Variants in SLC17A2 observed in about 807,000 individuals in gnomAD.
SLC17A2 encodes the protein sodium-dependent phosphate transport protein 3.
In SLC17A2, 38 loss-of-function variants were observed where a neutral mutation model predicts 52.1. The ratio of observed to expected loss-of-function variants is 0.73; its 90% confidence interval spans 0.56 to 0.96. The LOEUF (loss-of-function observed/expected upper bound fraction) is 0.96, where lower values mean the gene tolerates loss of function less well. SLC17A2 is among the 40% of genes least tolerant of loss of function. SLC17A2 has a pLI of 0.00. For synonymous variants in SLC17A2, 226 were observed against 211.9 expected, an observed-to-expected ratio of 1.07 and a Z score of -0.58; for missense variants, 508 against 583.9, an observed-to-expected ratio of 0.87 and a Z score of 1.34.
intron 10 of SLC17A2, 121 bp downstream of exon 10, chr6:25,915,378 G>A (rs12204050): frequency 1.6e-5 from 14 of 871,818 alleles, no homozygotes; most frequent in Non-Finnish European, 2.4e-5. Flanking sequence ...GATATTTGTA[G>A]TTATTTGTCA....
intron 1 of SLC17A2, among the ~76,000 whole-genome samples, chr6:25,928,053 A>G (rs1235340692): frequency 3.3e-5 from 5 of 152,226 alleles, no homozygotes; most frequent in Middle Eastern, 3.4e-3. Context: ...AACTTCTCCA[A>G]TCTTATAAAC....
intron 11 of SLC17A2, 175 bp downstream of exon 11, chr6:25,914,405 A>C (rs1766221412): frequency 1.7e-6 from 1 of 596,902 alleles, no homozygotes; most frequent in Non-Finnish European, 3.0e-6. Context: ...ATTCATCTTG[A>C]GAAAATAAGC....
rs1487171370 is a variant in SLC17A2 at position 25,913,468 on chromosome 6, G to A, written c.1303-17C>T. 1.2e-6 allele frequency: 2 copies of A among 1,612,466 alleles called. No homozygotes were observed. The highest frequency in any genetic ancestry group is 1.3e-5 in the African/African-American group (1 of 74,852). ...CTCAAAATCCTAGATGTAAAAAACA[G>A]AGAAAATGATCAATCTCACAAGTTC... On this transcript the variant is annotated splice_polypyrimidine_tract_variant and intron_variant, in intron 11 of 11. Transcript: ENST00000377850.
Position 25,913,237 on chromosome 6 carries a change from G to T in SLC17A2, c.*80C>A. The T allele has an allele frequency of 6.7e-7, 1 of 1,483,262 alleles. No homozygotes were observed. Among genetic ancestry groups the T allele is most frequent in the Non-Finnish European group, 9.4e-7 (1 of 1,062,590 alleles). 91.9% of individuals were successfully genotyped at this position (1,483,262 alleles called of 1,614,324 possible). A position where few individuals can be genotyped will look rare whatever the true frequency, so the allele number is the denominator to read the frequency against. On this transcript the variant is annotated 3_prime_UTR_variant, in exon 12 of 12. Transcript: ENST00000377850. ...CAGAGTTAAGAACTGCTGAGTCTATGGTCAGGAATATGGAGAGAAGTAAAA... is the reference window on the plus strand; with the variant it reads ...CAGAGTTAAGAACTGCTGAGTCTATTGTCAGGAATATGGAGAGAAGTAAAA...
chr6:25,916,005 C>G (rs1766298999), intron 8 of SLC17A2, 137 bp from the exon 9 acceptor site: 1 of 698,130 alleles, frequency 1.4e-6, no homozygotes, highest in East Asian at 2.7e-5. Flanking sequence ...CTTTTTCACA[C>G]TAAAAGAACA....
rs1191996889 is a variant in SLC17A2 at position 25,915,498 on chromosome 6, C to T, written c.1211+1G>A. On this transcript the variant is annotated splice_donor_variant, in intron 10 of 11. Coordinates refer to ENST00000377850, the MANE Select transcript of SLC17A2 (RefSeq NM_001286123.3). LOFTEE classifies it high-confidence loss of function. ...GGGGAAAAAACAGGTAGAGCTCTTA[C>T]CTGGGGGCGATATCTAAGGTGTTGA... 2 of 1,549,464 alleles carry T rather than the reference C, an allele frequency of 1.3e-6. No individual in the cohort carries two copies. The highest frequency in any genetic ancestry group is 1.7e-6 in the Non-Finnish European group (2 of 1,146,682).
At position 25,915,743 on chromosome 6, in the gene SLC17A2, T is replaced by C; in HGVS notation, c.1056A>G (p.Ser352=). 1 of 1,613,912 alleles carries C rather than the reference T, an allele frequency of 6.2e-7. No individual in the cohort carries two copies. The highest frequency in any genetic ancestry group is 8.5e-7 in the Non-Finnish European group (1 of 1,179,970). The change falls in exon 9 of 12, where the codon TCA becomes TCG. Residue 352 remains serine, a synonymous_variant. Coordinates refer to ENST00000377850, the MANE Select transcript of SLC17A2 (RefSeq NM_001286123.3). ...CCACACGCTTATCCTTACCAAGAGA[T>C]GAAAAGAGCTTTCGCACAGTGATCA... ...LRLITVRKLF[S]SLGLLLPSIC...
At chr6:25,925,172 G>T (rs9356992) in intron 2 of SLC17A2, among the ~76,000 whole-genome samples, 1 of 152,032 alleles carries the variant, frequency 6.6e-6, no homozygotes, top group South Asian at 2.1e-4. Flanking sequence ...AGAGCCAGCC[G>T]CTTGGTGAGA....
chr6:25,913,438 C>A lies in SLC17A2; in HGVS notation c.1316G>T (p.Gly439Val), dbSNP rs939377488. ...GFLISQDFES[G>V]WRNVFFLSAA... ...AGACAGGAAAAAGACATTCCTCCAA[C>A]CAGACTCAAAATCCTAGATGTAAAA... The change falls in exon 12 of 12, where the codon GGT becomes GTT. Residue 439 changes from glycine to valine, a missense_variant. By Grantham distance (109) the Gly-to-Val change is moderately radical. Transcript: ENST00000377850. The A allele has an allele frequency of 6.2e-7, 1 of 1,613,862 alleles. No homozygotes were observed. Among genetic ancestry groups the A allele is most frequent in the Non-Finnish European group, 8.5e-7 (1 of 1,179,930 alleles).
Position 25,919,699 on chromosome 6 carries a change from C to CAAAAAAAAAAAAAAAAAAAAAAAA in SLC17A2, c.563-1150_563-1127dup, listed in dbSNP as rs766352177. Reference sequence around the variant, plus strand: ...TGGGCGAAAGAGTGAGACACCGTCTCAAAAAAAAAAAAAAAAAAAAAAAAA... The same window carrying CAAAAAAAAAAAAAAAAAAAAAAAA: ...TGGGCGAAAGAGTGAGACACCGTCTCAAAAAAAAAAAAAAAAAAAAAAAAAAAAAAAAAAAAAAAAAAAAAAAAA... On this transcript the variant is annotated intron_variant, in intron 5 of 11. Transcript: ENST00000377850. 3.2e-4 allele frequency among the ~76,000 whole-genome samples: 10 copies of CAAAAAAAAAAAAAAAAAAAAAAAA among 31,152 alleles called. 1 individual carries two copies. Among genetic ancestry groups the CAAAAAAAAAAAAAAAAAAAAAAAA allele is most frequent in the Non-Finnish European group, 5.6e-4 (9 of 16,098 alleles). The allele number at this position is 31,152 out of a possible 152,430, so 20.4% of individuals were successfully genotyped here. A position where few individuals can be genotyped will look rare whatever the true frequency, so the allele number is the denominator to read the frequency against.
chr6:25,917,805 T>A (rs1018492715), intron 6 of SLC17A2, among the ~76,000 whole-genome samples: 1 of 152,250 alleles, frequency 6.6e-6, no homozygotes, highest in Admixed American at 6.5e-5. Context: ...CTCTAATTAC[T>A]GGATTCACTG....
chr6:25,915,924 T>G, intron 8 of SLC17A2, 56 bp from the exon 9 acceptor site: 1 of 1,564,424 alleles, frequency 6.4e-7, no homozygotes, highest in Admixed American at 1.8e-5. Context: ...CACCAAAATT[T>G]GTCAGTTACA....
rs200954060 is a variant in SLC17A2 at position 25,916,880 on chromosome 6, G to C, written c.769-34C>G. On this transcript the variant is annotated intron_variant, in intron 7 of 11. Transcript: ENST00000377850. ...AAAGATCTAATCAGCATGAGTATTA[G>C]AGCAGCCAAGATGGTGCCTCTCAGA... 5.3e-4 allele frequency: 860 copies of C among 1,613,456 alleles called. 1 individual carries two copies. The highest frequency in any genetic ancestry group is 6.8e-4 in the Non-Finnish European group (807 of 1,179,474).
At chr6:25,926,672 A>T (rs1284221009) in intron 1 of SLC17A2, among the ~76,000 whole-genome samples, 1 of 152,226 alleles carries the variant, frequency 6.6e-6, no homozygotes, top group Non-Finnish European at 1.5e-5. Context: ...TCCTAAGAAT[A>T]TCATCAATTT....
intron 2 of SLC17A2, among the ~76,000 whole-genome samples, chr6:25,924,281 A>G (rs1344210705): frequency 6.6e-6 from 1 of 152,226 alleles, no homozygotes; most frequent in East Asian, 1.9e-4. Flanking sequence ...CCTGGGCTGT[A>G]AGTGAATAGT....
Position 25,921,072 on chromosome 6 carries a change from A to G in SLC17A2, c.496T>C (p.Phe166Leu). ...MAQGMAWTGQFTIWAKWAPPL... is the reference protein window; with the variant it reads ...MAQGMAWTGQLTIWAKWAPPL... ...GGAGCCCACTTTGCCCAAATAGTAA[A>G]CTGACCTGTCCATGCCATTCCCTGA... Residue 166 changes from phenylalanine (F) to leucine (L), a missense_variant, in exon 5 of 12, where the codon TTT becomes CTT. By Grantham distance (22) the Phe-to-Leu change is conservative. Transcript: ENST00000377850. 6.2e-7 allele frequency: 1 copy of G among 1,614,192 alleles called. No homozygotes were observed. The highest frequency in any genetic ancestry group is 1.1e-5 in the South Asian group (1 of 91,074).
chr6:25,915,990 G>T, intron 8 of SLC17A2, 122 bp from the exon 9 acceptor site: 1 of 852,526 alleles, frequency 1.2e-6, no homozygotes, highest in Non-Finnish European at 1.8e-6. Context: ...GGGAAAATTA[G>T]CATCCTTTTT....
At chr6:25,915,970 G>C (rs899554333) in intron 8 of SLC17A2, 102 bp from the exon 9 acceptor site, 17 of 1,090,060 alleles carry the variant, frequency 1.6e-5, no homozygotes, top group South Asian at 3.3e-5. Context: ...TGATACTGTG[G>C]GTTGTTTGGG....
At chr6:25,916,339 C>T (rs1158476158) in intron 8 of SLC17A2, among the ~76,000 whole-genome samples, 1 of 152,144 alleles carries the variant, frequency 6.6e-6, no homozygotes, top group Non-Finnish European at 1.5e-5. Context: ...CCTCGGCCTC[C>T]CAAAGTGCTG....
Sources: allele counts gnomAD v4.1 joint callset (sites outside exome capture counted in the v4.1 genomes callset), GRCh38; gene constraint gnomAD v4.1.1; transcripts MANE v1.5; gene names NCBI Gene and HGNC (gene_info 2026-07-23, HGNC 2026-07-21).